Variants in ARID2 observed in about 807,000 individuals in gnomAD.
ARID2 encodes AT-rich interactive domain-containing protein 2.
Under a neutral mutation model 184.6 loss-of-function variants are expected in ARID2, and 32 were observed. The ratio of observed to expected loss-of-function variants is 0.17; its 90% CI spans 0.13 to 0.23. ARID2 has a LOEUF of 0.23. Ranked by LOEUF, ARID2 falls within the 10% of genes least tolerant of loss-of-function variation. The pLI is 1.00. For missense variants in ARID2, 1,696 were observed against 2,197.6 expected (o/e 0.77, Z 4.56); for synonymous variants, 836 against 772.6 (o/e 1.08, Z -1.36).
chr12:45,831,039 T>A (rs1425877585), intron 6 of ARID2, among the ~76,000 whole-genome samples: 1 of 149,112 alleles, frequency 6.7e-6, no homozygotes, highest in African/African-American at 2.5e-5. Flanking sequence ...AACGAGACTC[T>A]GTCAAAAAAA....
In ARID2 at chr12:45,842,297, GTATA is replaced by G. The variant is rs554185857; in HGVS notation, c.1498+2808_1498+2811del. On this transcript the variant is annotated intron_variant, in intron 11 of 20. Coordinates refer to ENST00000334344, the MANE Select transcript of ARID2 (RefSeq NM_152641.4). ...TACACATACACACACATATGTGTGT[GTATA>G]TATATACACACATGTATATGTATAT... 8.0e-4 allele frequency: 113 copies of G among 140,910 alleles called. 1 individual carries two copies. Among genetic ancestry groups the G allele is most frequent in the African/African-American group, 2.8e-3 (110 of 39,478 alleles). 8.7% of individuals were successfully genotyped at this position (140,910 alleles called of 1,614,324 possible).
chr12:45,886,899 A>G (rs1488132153), intron 16 of ARID2, among the ~76,000 whole-genome samples: 2 of 152,166 alleles, frequency 1.3e-5, no homozygotes, highest in Non-Finnish European at 1.5e-5. Flanking sequence ...TTGTCCTGCT[A>G]GGGCTCTGGG....
At chr12:45,874,428 A>G (rs1029689284) in intron 16 of ARID2, 1 of 203,222 alleles carries the variant, frequency 4.9e-6, no homozygotes, top group Non-Finnish European at 9.9e-6. Flanking sequence ...TATCATTTCA[A>G]CAGTGTTCAC....
intron 13 of ARID2, 26 bp downstream of exon 13, chr12:45,848,996 A>G: frequency 1.3e-6 from 2 of 1,599,308 alleles, no homozygotes; most frequent in South Asian, 2.3e-5. Flanking sequence ...CTTTAAATAA[A>G]GTCCATTTAC....
chr12:45,783,681 T>C (rs768397029), intron 3 of ARID2, among the ~76,000 whole-genome samples: 1 of 152,264 alleles, frequency 6.6e-6, no homozygotes, highest in Non-Finnish European at 1.5e-5. Flanking sequence ...ATGCCACTGC[T>C]GATCTGACAG....
At chr12:45,887,491 CA>C (rs1944213609) in intron 16 of ARID2, among the ~76,000 whole-genome samples, 2 of 151,630 alleles carry the variant, frequency 1.3e-5, no homozygotes, top group Non-Finnish European at 2.9e-5. Flanking sequence ...ATAAAAGATG[CA>C]AAAGAGGGGA....
At position 45,899,222 on chromosome 12, in the gene ARID2, A is replaced by G. The variant is rs567386662; in HGVS notation, c.5363+5501A>G. ...GTAAGGCGGAGGTTGCGGTGAGCCA[A>G]GATCACACCACTGCATTCCAGCCTG... On this transcript the variant is annotated intron_variant, in intron 20 of 20. Coordinates refer to ENST00000334344, the MANE Select transcript of ARID2 (RefSeq NM_152641.4). Among the ~76,000 whole-genome samples the G allele has an allele frequency of 4.1e-5, 6 of 146,602 alleles. No individual in the cohort carries two copies. In the East Asian group the frequency reaches 1.2e-3, roughly 30 times the overall value.
intron 3 of ARID2, among the ~76,000 whole-genome samples, chr12:45,746,487 T>C (rs986507965): frequency 4.1e-5 from 6 of 146,570 alleles, no homozygotes; most frequent in Admixed American, 2.0e-4. Flanking sequence ...TAACATATGC[T>C]AAAGTTTTTT....
intron 3 of ARID2, among the ~76,000 whole-genome samples, chr12:45,799,547 A>G (rs1942455716): frequency 6.6e-6 from 1 of 152,164 alleles, no homozygotes; most frequent in Non-Finnish European, 1.5e-5. Context: ...TTATATCTTT[A>G]CAAAGTAGAA....
At chr12:45,867,054 G>A (rs1592131036) in intron 16 of ARID2, among the ~76,000 whole-genome samples, 1 of 152,100 alleles carries the variant, frequency 6.6e-6, no homozygotes, top group East Asian at 1.9e-4. Context: ...AAGTTCAAAC[G>A]ATTCTCTTGG....
intron 6 of ARID2, among the ~76,000 whole-genome samples, chr12:45,831,951 A>G (rs1187353526): frequency 6.6e-6 from 1 of 151,968 alleles, no homozygotes; most frequent in East Asian, 1.9e-4. Context: ...TCCCATCTTT[A>G]TAGTTTTTTT....
In ARID2 at chr12:45,876,490, C is replaced by T. The variant is rs572603637; in HGVS notation, c.4923-15290C>T. Among the ~76,000 whole-genome samples the T allele has an allele frequency of 6.7e-5, 10 of 150,226 alleles. No homozygotes were observed. The East Asian group carries it at 7.9e-4, about 12-fold the overall frequency. ...GTTTGAGCCCGGAAGGTGGAGGTTG[C>T]GGTGAGCCAGAGATTGTGCCGTTGC... On this transcript the variant is annotated intron_variant, in intron 16 of 20. Coordinates refer to ENST00000334344, the MANE Select transcript of ARID2 (RefSeq NM_152641.4).
In ARID2 at chr12:45,892,037, A is replaced by C; in HGVS notation, c.5088A>C (p.Leu1696=). 6.2e-7 allele frequency: 1 copy of C among 1,614,172 alleles called. No homozygotes were observed. Among genetic ancestry groups the C allele is most frequent in the Non-Finnish European group, 8.5e-7 (1 of 1,180,004 alleles). Residue 1696 remains leucine, a synonymous_variant, in exon 18 of 21, where the codon CTA becomes CTC. Transcript: ENST00000334344. ...ATAAGCACTGTTCAAAGGATGCCCT[A>C]CTTGCAGGATTAAAACAAGATGAAC... ...LQDKHCSKDA[L]LAGLKQDEPG... is the part of the protein sequence containing the mutation.
At chr12:45,904,796 C>T in intron 20 of ARID2, 138 bp from the exon 21 acceptor site, 1 of 788,240 alleles carries the variant, frequency 1.3e-6, no homozygotes, top group Non-Finnish European at 1.9e-6. Context: ...CCCTCTCTTC[C>T]TGCAATACTA....
At chr12:45,891,173 A>G (rs1308407491) in intron 16 of ARID2, among the ~76,000 whole-genome samples, 2 of 152,214 alleles carry the variant, frequency 1.3e-5, no homozygotes, top group Non-Finnish European at 2.9e-5. Context: ...CAAAAAAAAA[A>G]AAAAAAATTG....
chr12:45,749,848 A>G (rs2137992212), intron 3 of ARID2, among the ~76,000 whole-genome samples: 1 of 152,278 alleles, frequency 6.6e-6, no homozygotes, highest in East Asian at 1.9e-4. Context: ...CCTTGAATTG[A>G]AGAGAGTTAC....
intron 16 of ARID2, 58 bp from the exon 17 acceptor site, chr12:45,891,722 A>C: frequency 6.4e-7 from 1 of 1,570,430 alleles, no homozygotes; most frequent in Admixed American, 2.0e-5. Context: ...AAATTTTTGA[A>C]ATAGTTTCAA....
chr12:45,741,539 CTTAT>C (rs1010922053), intron 3 of ARID2, among the ~76,000 whole-genome samples: 3 of 152,120 alleles, frequency 2.0e-5, no homozygotes, highest in South Asian at 2.1e-4. Context: ...TATTTTCATT[CTTAT>C]TTATTTATTA....
At chr12:45,878,511 A>G (rs1944047631) in intron 16 of ARID2, among the ~76,000 whole-genome samples, 1 of 152,022 alleles carries the variant, frequency 6.6e-6, no homozygotes, top group Admixed American at 6.6e-5. Context: ...ATCTGTATCC[A>G]GTCTGTTGAT....
Sources: allele counts gnomAD v4.1 joint callset (sites outside exome capture counted in the v4.1 genomes callset), GRCh38; gene constraint gnomAD v4.1.1; transcripts MANE v1.5; gene names NCBI Gene and HGNC (gene_info 2026-07-23, HGNC 2026-07-21).